The following SIN3A variants were observed in gnomAD, a reference collection of about 807,000 sequenced individuals.
SIN3A encodes SIN3 transcription regulator family member A, also known as paired amphipathic helix protein Sin3a.
SIN3A carries 14 observed loss-of-function variants against 146.1 expected under a neutral mutation model. The observed-to-expected ratio is 0.10, with a 90% CI of 0.06 to 0.15. The LOEUF is 0.15. SIN3A is among the 10% of genes least tolerant of loss of function. The probability of loss-of-function intolerance (pLI) is 1.00; values close to 1 mark genes in which losing one functional copy is unlikely to be tolerated. For missense variants in SIN3A, 1,028 were observed against 1,576.0 expected, an observed-to-expected ratio of 0.65 and a Z score of 5.89; for synonymous variants, 572 against 572.0, an observed-to-expected ratio of 1.00 and a Z score of 0.00.
chr15:75,385,743 C>G (rs1315617907), intron 16 of SIN3A, among the ~76,000 whole-genome samples: 3 of 152,110 alleles, frequency 2.0e-5, no homozygotes, highest in African/African-American at 7.2e-5. Flanking sequence ...ATTCTTAAGT[C>G]CTAAATGACC....
At chr15:75,454,125 T>A (rs1333528653), upstream of SIN3A, among the ~76,000 whole-genome samples, 1 of 151,426 alleles carries the variant, frequency 6.6e-6, no homozygotes, top group African/African-American at 2.4e-5. Flanking sequence ...ACCTTGCGCC[T>A]CACGTCATCC....
chr15:75,396,745 A>G (rs977764010), intron 12 of SIN3A, among the ~76,000 whole-genome samples: 1 of 152,144 alleles, frequency 6.6e-6, no homozygotes, highest in African/African-American at 2.4e-5. Context: ...GCACATAAGA[A>G]CCACAGGATG....
chr15:75,445,088 A>G (rs1463098354), intron 1 of SIN3A, among the ~76,000 whole-genome samples: 2 of 151,946 alleles, frequency 1.3e-5, no homozygotes, highest in Non-Finnish European at 2.9e-5. Context: ...AATCTTTCAA[A>G]ATATCTATAA....
At chr15:75,432,979 T>C (rs935947925) in intron 1 of SIN3A, among the ~76,000 whole-genome samples, 13 of 152,044 alleles carry the variant, frequency 8.6e-5, no homozygotes, top group African/African-American at 2.7e-4. Context: ...GAGGCGGAGG[T>C]TGCAGTGAGC....
chr15:75,416,327 T>C (rs938920723), intron 3 of SIN3A, among the ~76,000 whole-genome samples: 2 of 152,144 alleles, frequency 1.3e-5, no homozygotes, highest in Non-Finnish European at 2.9e-5. Flanking sequence ...CCTGACTTTA[T>C]TTACTTATTT....
At chr15:75,446,896 C>G (rs922511748) in intron 1 of SIN3A, among the ~76,000 whole-genome samples, 1 of 152,142 alleles carries the variant, frequency 6.6e-6, no homozygotes, top group South Asian at 2.1e-4. Flanking sequence ...CTCAACCTCC[C>G]GAGTAGCTGG....
intron 18 of SIN3A, 135 bp downstream of exon 18, chr15:75,381,478 C>G (rs910938347): frequency 6.1e-6 from 4 of 659,442 alleles, no homozygotes; most frequent in Non-Finnish European, 1.1e-5. Context: ...TTGACTTGTA[C>G]TTTAAGCATC....
intron 16 of SIN3A, among the ~76,000 whole-genome samples, chr15:75,389,070 A>G: frequency 6.6e-6 from 1 of 152,250 alleles, no homozygotes; most frequent in East Asian, 1.9e-4. Flanking sequence ...AGGGAACCGC[A>G]GATGAGTGAG....
intron 8 of SIN3A, among the ~76,000 whole-genome samples, chr15:75,407,857 C>T (rs996577883): frequency 1.4e-4 from 18 of 129,442 alleles, no homozygotes; most frequent in African/African-American, 5.2e-4. Flanking sequence ...CACGCCACTG[C>T]ACTCCAGCCT....
Position 75,451,465 on chromosome 15 carries a change from G to C in SIN3A, c.-76C>G, listed in dbSNP as rs2074408601. The C allele has an allele frequency of 6.7e-6, 1 of 150,106 alleles. No homozygotes were observed. The highest frequency in any genetic ancestry group is 2.5e-5 in the African/African-American group (1 of 40,640). 9.3% of individuals were successfully genotyped at this position (150,106 alleles called of 1,614,324 possible). A position where few individuals can be genotyped will look rare whatever the true frequency, so the allele number is the denominator to read the frequency against. On this transcript the variant is annotated 5_prime_UTR_variant, in exon 1 of 21. Transcript: ENST00000394947. ...CGCTCGTCACTGCGTGTCCCTCTCA[G>C]CGTGAGCCGCGAGCTCAGCAGGGAG...
intron 8 of SIN3A, among the ~76,000 whole-genome samples, chr15:75,408,110 A>C (rs1253825122): frequency 6.6e-6 from 1 of 152,138 alleles, no homozygotes; most frequent in African/African-American, 2.4e-5. Context: ...TACTTTCTTA[A>C]GAGCCGCAGC....
chr15:75,450,423 C>T (rs1165207069), intron 1 of SIN3A, among the ~76,000 whole-genome samples: 1 of 152,146 alleles, frequency 6.6e-6, no homozygotes, highest in African/African-American at 2.4e-5. Flanking sequence ...AAGGGAACCC[C>T]AGGGAAGGTT....
chr15:75,421,050 G>A (rs2073833625), intron 3 of SIN3A: 1 of 152,194 alleles, frequency 6.6e-6, no homozygotes, highest in African/African-American at 2.4e-5. Context: ...AAAAACTGGT[G>A]TTGTGCTTTG....
At chr15:75,374,789 C>T (rs141702188) in intron 20 of SIN3A, among the ~76,000 whole-genome samples, 21 of 152,344 alleles carry the variant, frequency 1.4e-4, no homozygotes, top group East Asian at 1.3e-3. Context: ...TTATTCAGGC[C>T]TCAAGCATCA....
chr15:75,408,999 T>C (rs867204814), intron 8 of SIN3A, among the ~76,000 whole-genome samples: 1 of 150,570 alleles, frequency 6.6e-6, no homozygotes. Context: ...AGGTCAGGAG[T>C]TCAAGACCAG....
Position 75,389,786 on chromosome 15 carries a change from G to C in SIN3A, c.2887C>G (p.Leu963Val). Reference sequence around the variant, plus strand: ...TCCAGCAGGCTCCGCACCATGTCCAGGAAAGCTGGGTAATAATCTTCTACA... The same window carrying C: ...TCCAGCAGGCTCCGCACCATGTCCACGAAAGCTGGGTAATAATCTTCTACA... ...VDVEDYYPAF[L>V]DMVRSLLDGN... Residue 963 changes from leucine (L) to valine (V), a missense_variant, in exon 16 of 21, where the codon CTG becomes GTG. By Grantham distance (32) the Leu-to-Val change is conservative. Coordinates refer to ENST00000394947, the MANE Select transcript of SIN3A (RefSeq NM_001145358.2). The C allele has an allele frequency of 6.2e-7, 1 of 1,614,142 alleles. No homozygotes were observed. Among genetic ancestry groups the C allele is most frequent in the Non-Finnish European group, 8.5e-7 (1 of 1,180,018 alleles).
upstream of SIN3A, chr15:75,453,635 C>G (rs1199225177): frequency 6.6e-6 from 1 of 152,338 alleles, no homozygotes; most frequent in Non-Finnish European, 1.5e-5. Context: ...ATACAGCCAA[C>G]TAAGGACAGC....
intron 17 of SIN3A, among the ~76,000 whole-genome samples, chr15:75,383,596 T>A (rs1271723445): frequency 6.6e-6 from 1 of 151,394 alleles, no homozygotes; most frequent in East Asian, 1.9e-4. Flanking sequence ...TGGCGCGATC[T>A]CAGCTTACTG....
At chr15:75,455,544 C>G (rs1342920194), upstream of SIN3A, 1 of 152,538 alleles carries the variant, frequency 6.6e-6, no homozygotes, top group Non-Finnish European at 1.5e-5. Context: ...AGGCCCACCC[C>G]TCTCCCACGG....
Sources: allele counts gnomAD v4.1 joint callset (sites outside exome capture counted in the v4.1 genomes callset), GRCh38; gene constraint gnomAD v4.1.1; transcripts MANE v1.5; gene names NCBI Gene and HGNC (gene_info 2026-07-23, HGNC 2026-07-21).